The following HEPH variants were observed in gnomAD, a reference collection of about 807,000 sequenced individuals.
HEPH encodes hephaestin.
Under a neutral mutation model 80.8 loss-of-function variants are expected in HEPH, and 69 were observed. The observed-to-expected ratio is 0.85, with a 90% CI of 0.70 to 1.04. The LOEUF (loss-of-function observed/expected upper bound fraction) is 1.04. Among genes scored for constraint, HEPH ranks in the 50% least tolerant of loss-of-function variants. The pLI, the probability that HEPH is intolerant of heterozygous loss-of-function variation, is 0.00. For synonymous variants in HEPH, 431 were observed against 322.8 expected (o/e 1.34, Z -3.60); for missense variants, 1,115 against 891.3 (o/e 1.25, Z -3.20).
intron 15 of HEPH, among the ~76,000 whole-genome samples, chrX:66,226,927 C>A (rs1260159709): frequency 6.3e-5 from 7 of 111,653 alleles, no homozygotes; most frequent in Admixed American, 5.7e-4. Context: ...CTCCTCAAAT[C>A]ATTTTATGAA....
intron 12 of HEPH, among the ~76,000 whole-genome samples, chrX:66,201,068 A>G (rs1406940772): frequency 9.0e-6 from 1 of 110,847 alleles, no homozygotes; most frequent in Non-Finnish European, 1.9e-5. Flanking sequence ...CAACACAGAG[A>G]TTTTATAGGT....
intron 15 of HEPH, among the ~76,000 whole-genome samples, chrX:66,213,626 T>C (rs1247119899): frequency 1.8e-5 from 2 of 111,650 alleles, no homozygotes; most frequent in African/African-American, 6.5e-5. Context: ...GAAATTCTTG[T>C]ATGCAAAGTT....
At chrX:66,225,746 C>T (rs751940471) in intron 15 of HEPH, among the ~76,000 whole-genome samples, 12 of 112,810 alleles carry the variant, frequency 1.1e-4, no homozygotes, top group South Asian at 3.6e-4. Flanking sequence ...CAGAGTCCCC[C>T]GCAGGGATGC....
At position 66,260,234 on chromosome X, in the gene HEPH, GA is replaced by G; in HGVS notation, c.3172del (p.Thr1058ProfsTer12). 2.5e-6 allele frequency: 3 copies of G among 1,208,047 alleles called. No homozygotes were observed. Among genetic ancestry groups the G allele is most frequent in the Non-Finnish European group, 3.4e-6 (3 of 892,738 alleles). ...CTGACCATGTCCATGCTGGCATGGAGACCCTCTTCACTGTTTTTTCTCGAAC... is the reference window on the plus strand; with the variant it reads ...CTGACCATGTCCATGCTGGCATGGAGCCCTCTTCACTGTTTTTTCTCGAAC... ...VTDHVHAGMETLFTVFSRTEH... is the reference protein window; with the variant it reads ...VTDHVHAGMEXLFTVFSRTEH... On this transcript the variant is annotated frameshift_variant, in exon 19 of 21. Coordinates refer to ENST00000343002, the MANE Select transcript of HEPH (RefSeq NM_001367233.3). LOFTEE classifies it high-confidence loss of function.
chrX:66,267,566 A>AC (rs1425082133), downstream of HEPH: 1 of 111,545 alleles, frequency 9.0e-6, no homozygotes, highest in Non-Finnish European at 1.9e-5. Flanking sequence ...AGTGCTGGGT[A>AC]CCACCCTAGA....
Position 66,190,164 on chromosome X carries a change from C to T in HEPH, c.1063+226C>T, listed in dbSNP as rs764620051. ...CACATCTCTCTGTGTTTAATCTTCC[C>T]CATCTTGAACATAAGACAGCCTGGG... is the stretch of plus-strand genomic sequence containing the variant. On this transcript the variant is annotated intron_variant, in intron 6 of 20. Transcript: ENST00000343002. Among the ~76,000 whole-genome samples, 9 of 108,369 alleles carry T rather than the reference C, an allele frequency of 8.3e-5. No individual in the cohort carries two copies. The East Asian group carries it at 2.6e-3, about 31-fold the overall frequency. 94.1% of individuals were successfully genotyped at this position (108,369 alleles called of 115,157 possible).
intron 1 of HEPH, among the ~76,000 whole-genome samples, chrX:66,167,144 A>T (rs1356394557): frequency 1.8e-5 from 2 of 112,341 alleles, no homozygotes; most frequent in African/African-American, 6.5e-5. Flanking sequence ...GCTAGGAAAA[A>T]TGGAGCCAAG....
At chrX:66,162,758 C>T, upstream of HEPH, 1 of 1,155,740 alleles carries the variant, frequency 8.7e-7, no homozygotes. Flanking sequence ...CCACCTCAGT[C>T]TTCTGAATGT....
At chrX:66,199,552 G>A (rs1039563864) in intron 11 of HEPH, among the ~76,000 whole-genome samples, 2 of 111,851 alleles carry the variant, frequency 1.8e-5, no homozygotes, top group Non-Finnish European at 3.8e-5. Context: ...TTTACTGAGC[G>A]CCTAATTGGT....
At chrX:66,196,628 G>T (rs930927872) in intron 9 of HEPH, among the ~76,000 whole-genome samples, 1 of 111,728 alleles carries the variant, frequency 9.0e-6, no homozygotes. Context: ...TCTCTGGAAA[G>T]ATTTGCAGTC....
intron 1 of HEPH, among the ~76,000 whole-genome samples, chrX:66,165,275 C>T (rs2086305709): frequency 8.9e-6 from 1 of 111,878 alleles, no homozygotes; most frequent in Non-Finnish European, 1.9e-5. Context: ...ATTGAAAGGT[C>T]ACATAGCTAT....
At chrX:66,220,446 G>T (rs986846800) in intron 15 of HEPH, among the ~76,000 whole-genome samples, 1 of 111,042 alleles carries the variant, frequency 9.0e-6, no homozygotes, top group Non-Finnish European at 1.9e-5. Context: ...CAAGGGGGTT[G>T]GTTATTACTA....
At chrX:66,267,425 T>A, downstream of HEPH, 1 of 112,284 alleles carries the variant, frequency 8.9e-6, no homozygotes, top group Non-Finnish European at 1.9e-5. Context: ...TCTCTGTGGC[T>A]TCTGTCACTG....
intron 15 of HEPH, among the ~76,000 whole-genome samples, chrX:66,216,984 A>G: frequency 9.0e-6 from 1 of 111,430 alleles, no homozygotes; most frequent in Non-Finnish European, 1.9e-5. Context: ...TCCAACAAAG[A>G]CCAAGAAAAA....
chrX:66,225,734 G>A (rs1028778545), intron 15 of HEPH, among the ~76,000 whole-genome samples: 7 of 112,724 alleles, frequency 6.2e-5, no homozygotes, highest in African/African-American at 2.3e-4. Flanking sequence ...ACTCAAGCTG[G>A]CCAGAGTCCC....
chrX:66,267,649 G>A (rs993660226), downstream of HEPH: 3 of 111,593 alleles, frequency 2.7e-5, no homozygotes, highest in African/African-American at 9.8e-5. Context: ...ATAGAAGTCT[G>A]AGACGAGACT....
intron 15 of HEPH, among the ~76,000 whole-genome samples, chrX:66,226,846 A>C (rs2147974225): frequency 8.9e-6 from 1 of 111,893 alleles, no homozygotes; most frequent in Non-Finnish European, 1.9e-5. Flanking sequence ...GCTGAATTCT[A>C]TCAGACATGC....
At chrX:66,180,055 G>A (rs1454261422) in intron 4 of HEPH, among the ~76,000 whole-genome samples, 2 of 111,064 alleles carry the variant, frequency 1.8e-5, no homozygotes, top group Non-Finnish European at 3.8e-5. Flanking sequence ...TTTTAAGTGG[G>A]GCATTTAGGC....
At chrX:66,218,732 G>A (rs779070524) in intron 15 of HEPH, among the ~76,000 whole-genome samples, 2 of 111,029 alleles carry the variant, frequency 1.8e-5, no homozygotes, top group Admixed American at 9.6e-5. Context: ...GGTCGTGATC[G>A]ATTGAGCAAG....
Sources: allele counts gnomAD v4.1 joint callset (sites outside exome capture counted in the v4.1 genomes callset), GRCh38; gene constraint gnomAD v4.1.1; transcripts MANE v1.5; gene names NCBI Gene and HGNC (gene_info 2026-07-23, HGNC 2026-07-21).